Variants in NFYC observed in about 807,000 individuals in gnomAD.
NFYC encodes the protein nuclear transcription factor Y subunit gamma, also known as CAAT box DNA-binding protein subunit C.
NFYC carries 25 observed loss-of-function variants against 53.1 expected under a neutral mutation model. The observed-to-expected ratio is 0.47, with a 90% CI of 0.34 to 0.66. The LOEUF is 0.66. NFYC is among the 30% of genes least tolerant of loss of function. The probability of loss-of-function intolerance (pLI) is 0.01; values close to 1 mark genes in which losing one functional copy is unlikely to be tolerated. For missense variants in NFYC, 260 were observed against 422.7 expected (o/e 0.62, Z 3.38); for synonymous variants, 145 against 152.6 (o/e 0.95, Z 0.37).
intron 1 of NFYC, among the ~76,000 whole-genome samples, chr1:40,718,178 A>G (rs1274851967): frequency 1.3e-5 from 2 of 152,184 alleles, no homozygotes; most frequent in Non-Finnish European, 2.9e-5. Flanking sequence ...AATGTAATAG[A>G]ATGCAGTGTT....
At position 40,771,428 on chromosome 1, in the gene NFYC, G is replaced by A. The variant is rs1402077657; in HGVS notation, c.*600G>A. 1 of 471,034 alleles carries A rather than the reference G, an allele frequency of 2.1e-6. No individual in the cohort carries two copies. Among genetic ancestry groups the A allele is most frequent in the Non-Finnish European group, 4.4e-6 (1 of 226,966 alleles). The allele number at this position is 471,034 out of a possible 1,614,324, so 29.2% of individuals were successfully genotyped here. On this transcript the variant is annotated 3_prime_UTR_variant, in exon 10 of 10. Transcript: ENST00000447388. Reference sequence around the variant, plus strand: ...CATTTAAGAGACAGATTTATTCCCTGTGGAGAGTGGGTGGATTCATTGCCA... The same window carrying A: ...CATTTAAGAGACAGATTTATTCCCTATGGAGAGTGGGTGGATTCATTGCCA...
At chr1:40,765,854 A>G (rs1358737407) in intron 7 of NFYC, among the ~76,000 whole-genome samples, 1 of 152,198 alleles carries the variant, frequency 6.6e-6, no homozygotes, top group Non-Finnish European at 1.5e-5. Context: ...TTTAGCACAC[A>G]ATTAAATGCA....
At chr1:40,720,326 C>G (rs1266444282) in intron 1 of NFYC, among the ~76,000 whole-genome samples, 1 of 152,138 alleles carries the variant, frequency 6.6e-6, no homozygotes, top group Admixed American at 6.6e-5. Flanking sequence ...CCCTGTCCCA[C>G]CACCCCCCTG....
chr1:40,704,871 T>C (rs1643618331), intron 1 of NFYC, among the ~76,000 whole-genome samples: 1 of 152,184 alleles, frequency 6.6e-6, no homozygotes, highest in South Asian at 2.1e-4. Flanking sequence ...GCTAAGGAGT[T>C]GCTTTCTGCA....
At chr1:40,720,418 A>T (rs1351600020) in intron 1 of NFYC, among the ~76,000 whole-genome samples, 1 of 152,184 alleles carries the variant, frequency 6.6e-6, no homozygotes, top group Non-Finnish European at 1.5e-5. Context: ...ACATTTTCCA[A>T]AGTAGAACAA....
intron 1 of NFYC, among the ~76,000 whole-genome samples, chr1:40,698,277 C>T (rs1381891263): frequency 6.6e-6 from 1 of 150,964 alleles, no homozygotes; most frequent in African/African-American, 2.4e-5. Flanking sequence ...GCAGGAGAAT[C>T]GCTCGAACCC....
At chr1:40,696,742 G>T (rs991776026) in intron 1 of NFYC, among the ~76,000 whole-genome samples, 9 of 152,220 alleles carry the variant, frequency 5.9e-5, no homozygotes, top group African/African-American at 2.2e-4. Flanking sequence ...CAACCAGGAA[G>T]AATATTCCTT....
intron 1 of NFYC, among the ~76,000 whole-genome samples, chr1:40,700,875 G>T (rs115917097): frequency 2.7e-4 from 41 of 152,170 alleles, no homozygotes; most frequent in African/African-American, 9.6e-4. Context: ...CACGTTAGTG[G>T]TCTAGAGTGC....
At chr1:40,700,020 C>A (rs889158004) in intron 1 of NFYC, among the ~76,000 whole-genome samples, 1 of 152,184 alleles carries the variant, frequency 6.6e-6, no homozygotes, top group Non-Finnish European at 1.5e-5. Flanking sequence ...ACGTTTCATG[C>A]TATGACTGGT....
At position 40,760,347 on chromosome 1, in the gene NFYC, G is replaced by A. The variant is rs188990833; in HGVS notation, c.561+2053G>A. On this transcript the variant is annotated intron_variant, in intron 6 of 9. Transcript: ENST00000447388. ...TTTGGGAGGCCAAAGCAGGAGGGTC[G>A]CATGGGCCCGGGAGTTGGAGACCAG... Among the ~76,000 whole-genome samples the A allele has an allele frequency of 5.9e-4, 90 of 152,276 alleles. 1 individual carries two copies. Among genetic ancestry groups the A allele is most frequent in the African/African-American group, 2.1e-3 (86 of 41,558 alleles).
chr1:40,756,800 G>A (rs867760044), intron 5 of NFYC, among the ~76,000 whole-genome samples: 7 of 152,304 alleles, frequency 4.6e-5, no homozygotes, highest in Middle Eastern at 3.4e-3. Flanking sequence ...CATTCATCAC[G>A]CACTTACTGA....
At chr1:40,728,795 G>A (rs1250084172) in intron 1 of NFYC, among the ~76,000 whole-genome samples, 5 of 151,842 alleles carry the variant, frequency 3.3e-5, no homozygotes, top group Non-Finnish European at 4.4e-5. Flanking sequence ...CCGCCACCAC[G>A]CCGAGCTAAT....
Position 40,770,513 on chromosome 1 carries a change from C to T in NFYC, c.889-196C>T, listed in dbSNP as rs915325028. On this transcript the variant is annotated intron_variant, in intron 9 of 9. Transcript: ENST00000447388. The surrounding 1 kb of genome is among the most constrained non-coding windows in gnomAD (Gnocchi z 5.3). The stretch of plus-strand genomic sequence containing the variant: ...CCTCTTCCCTGCCCACCACACACCC[C>T]CCCTCACACCGGGCTGGTGCCTCCT... 1.9e-6 allele frequency: 3 copies of T among 1,556,102 alleles called. No individual in the cohort carries two copies. The highest frequency in any genetic ancestry group is 1.4e-5 in the African/African-American group (1 of 73,276).
At chr1:40,742,269 T>G (rs1645391099) in intron 2 of NFYC, among the ~76,000 whole-genome samples, 1 of 152,102 alleles carries the variant, frequency 6.6e-6, no homozygotes, top group African/African-American at 2.4e-5. Flanking sequence ...TACCACATTT[T>G]GTTTATCCGT....
intron 1 of NFYC, among the ~76,000 whole-genome samples, chr1:40,721,373 C>T (rs1238742632): frequency 6.6e-6 from 1 of 152,154 alleles, no homozygotes; most frequent in Non-Finnish European, 1.5e-5. Context: ...GTGGGTGGAG[C>T]TCTCTTTAGA....
At chr1:40,698,363 G>GA (rs774076369) in intron 1 of NFYC, among the ~76,000 whole-genome samples, 372 of 135,732 alleles carry the variant, frequency 2.7e-3, no homozygotes, top group African/African-American at 4.2e-3. Context: ...TTCCCTCTTT[G>GA]AAAAAAAAAA....
intron 1 of NFYC, among the ~76,000 whole-genome samples, chr1:40,694,406 T>C (rs1429426009): frequency 1.3e-5 from 2 of 152,252 alleles, no homozygotes; most frequent in African/African-American, 4.8e-5. Context: ...AATTGCTTTA[T>C]GTCTTGATGT....
intron 1 of NFYC, among the ~76,000 whole-genome samples, chr1:40,717,759 C>T (rs1644191000): frequency 6.6e-6 from 1 of 152,154 alleles, no homozygotes; most frequent in Admixed American, 6.5e-5. Context: ...CATAATCTTA[C>T]TGATTTTAGC....
intron 5 of NFYC, chr1:40,757,488 C>A: frequency 2.5e-6 from 1 of 392,742 alleles, no homozygotes; most frequent in Non-Finnish European, 5.5e-6. Flanking sequence ...CCCTGGGTTG[C>A]GCTTCTGTGG....
Sources: gnomAD v4.1 joint callset for allele counts (sites outside exome capture counted in the v4.1 genomes callset) on GRCh38, gnomAD v4.1.1 for gene constraint, Gnocchi (gnomAD v3.1) non-coding constraint, MANE v1.5 for transcripts, NCBI Gene and HGNC (gene_info 2026-07-23, HGNC 2026-07-21) for gene names.